Variants in GALNT13 observed in about 807,000 individuals in gnomAD.
The protein encoded by GALNT13 is UDP-GalNAc:polypeptide N-acetylgalactosaminyltransferase 13.
GALNT13 carries 28 observed loss-of-function variants against 64.2 expected under a neutral mutation model. That is an observed-to-expected ratio of 0.44 (90% CI 0.32 to 0.60). The LOEUF is 0.60. GALNT13 is among the 20% of genes least tolerant of loss of function. The probability of loss-of-function intolerance (pLI) is 0.05; values close to 1 mark genes in which losing one functional copy is unlikely to be tolerated. For missense variants in GALNT13, 577 were observed against 669.8 expected (o/e 0.86, Z 1.53); for synonymous variants, 214 against 224.6 (o/e 0.95, Z 0.42).
chr2:153,913,925 A>G (rs1689154526), intron 2 of GALNT13, among the ~76,000 whole-genome samples: 1 of 152,174 alleles, frequency 6.6e-6, no homozygotes, highest in Non-Finnish European at 1.5e-5. Context: ...TGGGGTAGGC[A>G]AGATATATCT....
At chr2:153,126,240 T>C in the GALNT13 span, among the ~76,000 whole-genome samples, 8 of 149,696 alleles carry the variant, frequency 5.3e-5, no homozygotes, top group Admixed American at 5.3e-4. Context: ...GATGAAGAAT[T>C]GTATTTGTAC....
At position 154,256,836 on chromosome 2, in the gene GALNT13, T is replaced by G. The variant is rs373258107; in HGVS notation, c.858-2185T>G. Among the ~76,000 whole-genome samples the G allele has an allele frequency of 3.9e-5, 6 of 152,292 alleles. No individual in the cohort carries two copies. In the South Asian group the frequency reaches 6.2e-4, roughly 16 times the overall value. On this transcript the variant is annotated intron_variant, in intron 7 of 12. Coordinates refer to ENST00000392825, the MANE Select transcript of GALNT13 (RefSeq NM_052917.4). ...TTTGGTTGCTTGGTTTGACATTGTT[T>G]AGACACAACCTTGAAAAGCAAATAA...
chr2:153,752,659 G>A, the GALNT13 span, among the ~76,000 whole-genome samples: 25 of 151,908 alleles, frequency 1.6e-4, no homozygotes, highest in Non-Finnish European at 1.5e-5. Context: ...TTCTCTTTCT[G>A]CTTTTAGAAT....
At chr2:154,377,654 T>C (rs1240262141) in intron 9 of GALNT13, among the ~76,000 whole-genome samples, 1 of 152,158 alleles carries the variant, frequency 6.6e-6, no homozygotes, top group African/African-American at 2.4e-5. Context: ...GACTTAAAAA[T>C]AATAGTTCAT....
At chr2:154,127,681 C>CAT (rs1259354311) in intron 3 of GALNT13, among the ~76,000 whole-genome samples, 2 of 148,482 alleles carry the variant, frequency 1.3e-5, no homozygotes, top group Non-Finnish European at 3.0e-5. Flanking sequence ...TACATATAGT[C>CAT]ATATATATAT....
intron 3 of GALNT13, among the ~76,000 whole-genome samples, chr2:154,019,470 T>TA (rs998424380): frequency 5.9e-5 from 9 of 151,800 alleles, no homozygotes; most frequent in Non-Finnish European, 1.2e-4. Context: ...CCATTTCTAC[T>TA]AAAAATGCAA....
At chr2:153,621,091 G>T in the GALNT13 span, among the ~76,000 whole-genome samples, 1 of 151,822 alleles carries the variant, frequency 6.6e-6, no homozygotes, top group African/African-American at 2.4e-5. Context: ...TACTCTTCTT[G>T]TACTTTCTCC....
intron 3 of GALNT13, among the ~76,000 whole-genome samples, chr2:153,951,372 A>G (rs867743932): frequency 2.0e-5 from 3 of 152,176 alleles, no homozygotes; most frequent in Non-Finnish European, 2.9e-5. Context: ...GAGAAGAGCT[A>G]TTCTTTCCAG....
At chr2:154,256,964 G>T (rs749569657) in intron 7 of GALNT13, among the ~76,000 whole-genome samples, 33 of 152,090 alleles carry the variant, frequency 2.2e-4, no homozygotes, top group Non-Finnish European at 3.7e-4. Flanking sequence ...GCATATTACA[G>T]GGCAGTTAAC....
chr2:153,403,356 C>G, the GALNT13 span, among the ~76,000 whole-genome samples: 1 of 152,112 alleles, frequency 6.6e-6, no homozygotes, highest in African/African-American at 2.4e-5. Flanking sequence ...ACATTTAAGT[C>G]TGCAGAAGTT....
chr2:153,450,566 C>G, the GALNT13 span, among the ~76,000 whole-genome samples: 1 of 124,278 alleles, frequency 8.0e-6, no homozygotes, highest in East Asian at 2.1e-4. Flanking sequence ...GTCCTATACC[C>G]CTAGGTTTGA....
chr2:154,258,690 C>T (rs1191997026), intron 7 of GALNT13, among the ~76,000 whole-genome samples: 3 of 151,522 alleles, frequency 2.0e-5, no homozygotes, highest in Non-Finnish European at 4.4e-5. Flanking sequence ...ACCAGCTAAC[C>T]ACTTCAAGGA....
In GALNT13 at chr2:154,267,360, C is replaced by T. The variant is rs1337346646; in HGVS notation, c.975+8222C>T. On this transcript the variant is annotated intron_variant, in intron 8 of 12. Transcript: ENST00000392825. ...AATTTAAAAACTTGTGCTTTTCAGG[C>T]CGGGCATGGTGGCTCACGCCTGTAA... 3.3e-5 allele frequency among the ~76,000 whole-genome samples: 5 copies of T among 152,126 alleles called. No individual in the cohort carries two copies. The East Asian group carries it at 7.7e-4, about 24-fold the overall frequency.
chr2:153,288,182 T>C, the GALNT13 span, among the ~76,000 whole-genome samples: 1 of 152,148 alleles, frequency 6.6e-6, no homozygotes, highest in Non-Finnish European at 1.5e-5. Flanking sequence ...GTTGCAGTAA[T>C]GTTTGTAATA....
the GALNT13 span, among the ~76,000 whole-genome samples, chr2:153,551,717 A>G: frequency 1.7e-4 from 26 of 152,226 alleles, no homozygotes; most frequent in African/African-American, 5.3e-4. Flanking sequence ...GAGGGATATC[A>G]GGAATTTGGT....
chr2:153,546,126 T>G, the GALNT13 span, among the ~76,000 whole-genome samples: 1 of 152,214 alleles, frequency 6.6e-6, no homozygotes, highest in Admixed American at 6.5e-5. Context: ...ATACATAATC[T>G]CAATTTTTCA....
chr2:153,422,370 A>G, the GALNT13 span, among the ~76,000 whole-genome samples: 1 of 152,188 alleles, frequency 6.6e-6, no homozygotes, highest in Non-Finnish European at 1.5e-5. Flanking sequence ...AAAATAACCA[A>G]TAGCTATCCC....
At chr2:153,872,647 C>T (rs1686055676) in intron 1 of GALNT13, among the ~76,000 whole-genome samples, 2 of 143,886 alleles carry the variant, frequency 1.4e-5, no homozygotes, top group Non-Finnish European at 3.0e-5. Flanking sequence ...CGGCTCTGGC[C>T]CCCTCTGCGT....
At chr2:153,950,337 A>G (rs1373976791) in intron 3 of GALNT13, among the ~76,000 whole-genome samples, 1 of 152,086 alleles carries the variant, frequency 6.6e-6, no homozygotes, top group Non-Finnish European at 1.5e-5. Flanking sequence ...AATGAAACAC[A>G]TATAGCAAAT....
Sources: allele counts gnomAD v4.1 joint callset (sites outside exome capture counted in the v4.1 genomes callset), GRCh38; gene constraint gnomAD v4.1.1; transcripts MANE v1.5; gene names NCBI Gene and HGNC (gene_info 2026-07-23, HGNC 2026-07-21).